Variants in BTNL8 observed in about 807,000 individuals in gnomAD.
BTNL8 encodes the protein butyrophilin like 8, also known as butyrophilin-like protein 8.
A neutral mutation model predicts 36.1 loss-of-function variants in BTNL8; 22 were observed. The ratio of observed to expected loss-of-function variants is 0.61; its 90% confidence interval spans 0.44 to 0.87. The LOEUF is 0.87. Among genes scored for constraint, BTNL8 ranks in the 40% least tolerant of loss-of-function variants. The pLI, the probability that BTNL8 is intolerant of heterozygous loss-of-function variation, is 0.00. For missense variants in BTNL8, 526 were observed against 616.9 expected, an observed-to-expected ratio of 0.85 and a Z score of 1.56; for synonymous variants, 203 against 235.6, an observed-to-expected ratio of 0.86 and a Z score of 1.27.
chr5:180,913,431 G>A (rs1757493591), intron 3 of BTNL8, among the ~76,000 whole-genome samples: 1 of 152,136 alleles, frequency 6.6e-6, no homozygotes, highest in Non-Finnish European at 1.5e-5. Flanking sequence ...GGACCCTAAA[G>A]TTGGAAACAA....
At chr5:180,942,126 CA>C (rs1304653186) in intron 3 of BTNL8, among the ~76,000 whole-genome samples, 3 of 151,990 alleles carry the variant, frequency 2.0e-5, no homozygotes, top group Admixed American at 1.3e-4. Context: ...CATATAAATT[CA>C]GTAGTGTTTC....
chr5:180,947,701 A>G (rs1759336971), intron 4 of BTNL8, 76 bp downstream of exon 4: 3 of 1,614,224 alleles, frequency 1.9e-6, no homozygotes, highest in Non-Finnish European at 2.5e-6. Flanking sequence ...ATGCTCCCAC[A>G]TCCAGCTGCT....
At chr5:180,909,184 A>G (rs950179322) in intron 2 of BTNL8, among the ~76,000 whole-genome samples, 9 of 152,060 alleles carry the variant, frequency 5.9e-5, no homozygotes, top group South Asian at 2.1e-4. Context: ...TCACCCCTTC[A>G]TGGTCACACC....
At position 180,948,550 on chromosome 5, in the gene BTNL8, A is replaced by T. The variant is rs1392954569; in HGVS notation, c.808+175A>T. On this transcript the variant is annotated intron_variant, in intron 5 of 7. Coordinates refer to ENST00000340184, the MANE Select transcript of BTNL8 (RefSeq NM_001040462.3). ...ACTGCTCATGAGTTACCCCTCGGAC[A>T]TCTGGAGGGCTTAGGATAGGCCCCG... The T allele has an allele frequency of 2.5e-6, 4 of 1,572,662 alleles. No homozygotes were observed. In the East Asian group the frequency reaches 9.2e-5, roughly 36 times the overall value.
intron 3 of BTNL8, among the ~76,000 whole-genome samples, chr5:180,928,854 C>A (rs1758231049): frequency 6.6e-6 from 1 of 152,190 alleles, no homozygotes. Context: ...GACTCCCACA[C>A]AATAATAGTG....
At chr5:180,914,370 T>C (rs1757531657) in intron 3 of BTNL8, among the ~76,000 whole-genome samples, 1 of 152,198 alleles carries the variant, frequency 6.6e-6, no homozygotes, top group Admixed American at 6.5e-5. Flanking sequence ...GACCTTGGAC[T>C]TCCCAGCCTC....
At chr5:180,909,241 G>A (rs780027217) in intron 2 of BTNL8, among the ~76,000 whole-genome samples, 7 of 152,116 alleles carry the variant, frequency 4.6e-5, no homozygotes, top group Admixed American at 1.3e-4. Context: ...CCCTGATGCT[G>A]TAATTTCAAG....
At chr5:180,915,329 T>C (rs1281504748) in intron 3 of BTNL8, among the ~76,000 whole-genome samples, 1 of 152,174 alleles carries the variant, frequency 6.6e-6, no homozygotes, top group African/African-American at 2.4e-5. Context: ...GCATACAAAC[T>C]TCTGCAGTCA....
At chr5:180,933,437 C>G (rs532202456) in intron 3 of BTNL8, among the ~76,000 whole-genome samples, 5 of 152,284 alleles carry the variant, frequency 3.3e-5, no homozygotes, top group African/African-American at 1.2e-4. Context: ...GGATTAAACT[C>G]ATAATAAGTA....
At chr5:180,910,293 T>G (rs544485414) in intron 2 of BTNL8, among the ~76,000 whole-genome samples, 1 of 152,008 alleles carries the variant, frequency 6.6e-6, no homozygotes, top group East Asian at 1.9e-4. Context: ...CCTTTCTTCA[T>G]GTCTAGAAAA....
At chr5:180,941,318 A>G (rs931274284) in intron 3 of BTNL8, among the ~76,000 whole-genome samples, 10 of 152,196 alleles carry the variant, frequency 6.6e-5, no homozygotes, top group Non-Finnish European at 1.5e-4. Context: ...AAGTATCCCA[A>G]CAAACAAAAG....
intron 3 of BTNL8, among the ~76,000 whole-genome samples, chr5:180,944,916 A>G (rs1759164349): frequency 6.6e-6 from 1 of 152,248 alleles, no homozygotes; most frequent in Non-Finnish European, 1.5e-5. Flanking sequence ...TTACAGATTC[A>G]ATACAGTCTC....
At chr5:180,916,295 A>T (rs180914791) in intron 3 of BTNL8, among the ~76,000 whole-genome samples, 28 of 152,314 alleles carry the variant, frequency 1.8e-4, no homozygotes, top group Non-Finnish European at 3.1e-4. Context: ...ATGATGAAAA[A>T]TTTTTAAACA....
Position 180,948,856 on chromosome 5 carries a change from C to T in BTNL8, c.809-64C>T, listed in dbSNP as rs1759402957. Reference sequence around the variant, plus strand: ...CGCAGGGATTCCCTCCCACGCCCTCCCTGGGCCCCCGCTCTGTGACGTCAG... The same window carrying T: ...CGCAGGGATTCCCTCCCACGCCCTCTCTGGGCCCCCGCTCTGTGACGTCAG... On this transcript the variant is annotated intron_variant, in intron 5 of 7. Coordinates refer to ENST00000340184, the MANE Select transcript of BTNL8 (RefSeq NM_001040462.3). The T allele has an allele frequency of 1.1e-5, 6 of 563,818 alleles. No individual in the cohort carries two copies. In the South Asian group the frequency reaches 1.2e-4, roughly 11 times the overall value. The allele number at this position is 563,818 out of a possible 1,614,324, so 34.9% of individuals were successfully genotyped here. A position where few individuals can be genotyped will look rare whatever the true frequency, so the allele number is the denominator to read the frequency against.
At chr5:180,923,509 A>T (rs1421926216) in intron 3 of BTNL8, among the ~76,000 whole-genome samples, 1 of 152,174 alleles carries the variant, frequency 6.6e-6, no homozygotes, top group East Asian at 1.9e-4. Context: ...ACAGAAGAGC[A>T]GTTCTTTCAT....
intron 3 of BTNL8, among the ~76,000 whole-genome samples, chr5:180,930,479 GAAAT>G (rs1330690524): frequency 6.6e-6 from 1 of 152,172 alleles, no homozygotes; most frequent in Non-Finnish European, 1.5e-5. Flanking sequence ...GCAAGAGAAA[GAAAT>G]AAAGGGTATT....
At chr5:180,948,483 C>T in intron 5 of BTNL8, 108 bp downstream of exon 5, 2 of 1,608,180 alleles carry the variant, frequency 1.2e-6, no homozygotes, top group Non-Finnish European at 8.5e-7. Flanking sequence ...GGACAGGAAG[C>T]ACCGGCAGGT....
chr5:180,949,889 C>T lies in BTNL8; in HGVS notation c.863-15C>T. ...TCAGTAACTCATGCTTCCTCTCTCC[C>T]CCACCGCACCCCAGTGGAGGTGACT... On this transcript the variant is annotated splice_polypyrimidine_tract_variant and intron_variant, in intron 7 of 7. Transcript: ENST00000340184. The T allele has an allele frequency of 2.1e-6, 3 of 1,444,798 alleles. 1 individual carries two copies. The highest frequency in any genetic ancestry group is 1.4e-5 in the African/African-American group (1 of 71,720). 89.5% of individuals were successfully genotyped at this position (1,444,798 alleles called of 1,614,324 possible).
intron 3 of BTNL8, among the ~76,000 whole-genome samples, chr5:180,918,272 T>A (rs1757733052): frequency 6.6e-6 from 1 of 152,038 alleles, no homozygotes. Flanking sequence ...ATAAAAAGAA[T>A]AATTACAAAG....
Sources: gnomAD v4.1 joint callset for allele counts (sites outside exome capture counted in the v4.1 genomes callset) on GRCh38, gnomAD v4.1.1 for gene constraint, MANE v1.5 for transcripts, NCBI Gene and HGNC (gene_info 2026-07-23, HGNC 2026-07-21) for gene names.